The following RIPOR2 variants were observed in gnomAD, a reference collection of about 807,000 sequenced individuals.
The protein encoded by RIPOR2 is RHO family interacting cell polarization regulator 2.
In RIPOR2, 39 loss-of-function variants were observed where a neutral mutation model predicts 114.5. That is an observed-to-expected ratio of 0.34 (90% confidence interval 0.26 to 0.44). The LOEUF is 0.44. Ranked by LOEUF, RIPOR2 falls within the 20% of genes least tolerant of loss-of-function variation. The pLI, the probability that RIPOR2 is intolerant of heterozygous loss-of-function variation, is 1.00. For synonymous variants in RIPOR2, 445 were observed against 484.4 expected, an observed-to-expected ratio of 0.92 and a Z score of 1.07; for missense variants, 1,007 against 1,255.1, an observed-to-expected ratio of 0.80 and a Z score of 2.99.
At chr6:24,878,694 T>TC (rs1766056731) in intron 1 of RIPOR2, among the ~76,000 whole-genome samples, 1 of 152,038 alleles carries the variant, frequency 6.6e-6, no homozygotes, top group East Asian at 1.9e-4. Flanking sequence ...GGTTGTAAAG[T>TC]CCCCAGGTGA....
chr6:24,931,540 T>C (rs577752076), intron 1 of RIPOR2, among the ~76,000 whole-genome samples: 2 of 152,320 alleles, frequency 1.3e-5, no homozygotes, highest in African/African-American at 4.8e-5. Context: ...TTTGTGGAGG[T>C]TGAAACAACT....
chr6:24,807,979 C>A lies in RIPOR2; in HGVS notation c.3044-1506G>T, dbSNP rs914314588. Among the ~76,000 whole-genome samples, 5 of 152,132 alleles carry A rather than the reference C, an allele frequency of 3.3e-5. No individual in the cohort carries two copies. The East Asian group carries it at 9.6e-4, about 29-fold the overall frequency. ...CATAATATTGACTTCAGGGGGGTCT[C>A]AAACTTTATATTAGAATCACCTGGG... is the stretch of plus-strand genomic sequence containing the variant. On this transcript the variant is annotated intron_variant, in intron 21 of 21. Transcript: ENST00000643898.
At chr6:24,842,649 A>G (rs1761833757) in intron 13 of RIPOR2, among the ~76,000 whole-genome samples, 1 of 152,206 alleles carries the variant, frequency 6.6e-6, no homozygotes, top group African/African-American at 2.4e-5. Flanking sequence ...TCTTTGTTTA[A>G]ATCCTAATCA....
At chr6:24,961,670 C>T (rs1372404512) in intron 1 of RIPOR2, among the ~76,000 whole-genome samples, 1 of 151,154 alleles carries the variant, frequency 6.6e-6, no homozygotes. Flanking sequence ...CTCTGTCACC[C>T]AGGCTGGAGT....
At chr6:24,905,845 T>C (rs566084215) in intron 1 of RIPOR2, among the ~76,000 whole-genome samples, 2 of 152,286 alleles carry the variant, frequency 1.3e-5, no homozygotes, top group East Asian at 3.9e-4. Flanking sequence ...TTGCCTTCCT[T>C]CCAAGAGCTC....
At chr6:25,011,218 TAAATTAG>T (rs1409168045) in intron 1 of RIPOR2, among the ~76,000 whole-genome samples, 1 of 152,244 alleles carries the variant, frequency 6.6e-6, no homozygotes, top group Admixed American at 6.5e-5. Flanking sequence ...ATAAATTTTA[TAAATTAG>T]GAATTGGGTT....
At chr6:24,878,625 C>T (rs1766042485) in intron 1 of RIPOR2, among the ~76,000 whole-genome samples, 1 of 152,052 alleles carries the variant, frequency 6.6e-6, no homozygotes, top group African/African-American at 2.4e-5. Flanking sequence ...CTACTGATGC[C>T]TGGCTCCTAT....
chr6:24,865,286 G>A lies in RIPOR2; in HGVS notation c.651+15C>T. The A allele has an allele frequency of 1.2e-6, 2 of 1,600,314 alleles. No individual in the cohort carries two copies. Among genetic ancestry groups the A allele is most frequent in the Non-Finnish European group, 1.7e-6 (2 of 1,171,638 alleles). ...AGATGGGATTCGGCAACTTAAGCAGGTTAGGGAGTTATACCTCTGTGTACT... is the reference window on the plus strand; with the variant it reads ...AGATGGGATTCGGCAACTTAAGCAGATTAGGGAGTTATACCTCTGTGTACT... On this transcript the variant is annotated intron_variant, in intron 7 of 21. Coordinates refer to ENST00000643898, the MANE Select transcript of RIPOR2 (RefSeq NM_001286445.3).
chr6:24,988,651 T>C (rs530287626), intron 1 of RIPOR2, among the ~76,000 whole-genome samples: 31 of 145,372 alleles, frequency 2.1e-4, no homozygotes, highest in Admixed American at 1.8e-3. Flanking sequence ...TTGGCTTGAC[T>C]TTTTTCCCAA....
intron 1 of RIPOR2, among the ~76,000 whole-genome samples, chr6:24,981,235 A>G (rs1774279637): frequency 6.6e-6 from 1 of 152,186 alleles, no homozygotes; most frequent in Admixed American, 6.5e-5. Context: ...ACCCAAACAA[A>G]TATTTTCCCA....
intron 13 of RIPOR2, 146 bp from the exon 14 acceptor site, chr6:24,839,418 C>A: frequency 1.4e-6 from 2 of 1,429,340 alleles, no homozygotes; most frequent in East Asian, 5.0e-5. Context: ...ATTTAAAAAT[C>A]TTTATATCCA....
At chr6:24,856,801 G>T (rs1214241323) in intron 8 of RIPOR2, among the ~76,000 whole-genome samples, 1 of 152,076 alleles carries the variant, frequency 6.6e-6, no homozygotes, top group African/African-American at 2.4e-5. Context: ...TTAATCTATT[G>T]CCTGTTTATG....
At chr6:24,952,524 G>T (rs1334576729) in intron 1 of RIPOR2, among the ~76,000 whole-genome samples, 1 of 152,190 alleles carries the variant, frequency 6.6e-6, no homozygotes, top group East Asian at 1.9e-4. Context: ...GTTGGGAAGA[G>T]ATGCACAGTA....
At chr6:24,930,481 G>A (rs150037666) in intron 1 of RIPOR2, among the ~76,000 whole-genome samples, 1 of 152,334 alleles carries the variant, frequency 6.6e-6, no homozygotes, top group East Asian at 1.9e-4. Flanking sequence ...CATAAATCAG[G>A]GGGGTGGACT....
intron 1 of RIPOR2, among the ~76,000 whole-genome samples, chr6:24,997,234 G>A (rs9295642): frequency 0.27 from 40,793 of 151,958 alleles, 5,936 homozygotes; most frequent in Middle Eastern, 0.35. Flanking sequence ...CTAATATACA[G>A]TTAAGCCTGA....
rs1356174903 is a variant in RIPOR2 at position 25,023,326 on chromosome 6, G to A, written c.76+18525C>T. On this transcript the variant is annotated intron_variant, in intron 1 of 13. Coordinates refer to the RIPOR2 transcript ENST00000510784. Reference sequence around the variant, plus strand: ...TGAGGGAATTGATGTTGATGAACCCGGTGGCATCAATTGGCTCATAATCAC... The same window carrying A: ...TGAGGGAATTGATGTTGATGAACCCAGTGGCATCAATTGGCTCATAATCAC... 6.3e-6 allele frequency: 5 copies of A among 789,616 alleles called. No individual in the cohort carries two copies. The East Asian group carries it at 7.6e-5, about 12-fold the overall frequency. 48.9% of individuals were successfully genotyped at this position (789,616 alleles called of 1,614,324 possible). A position where few individuals can be genotyped will look rare whatever the true frequency, so the allele number is the denominator to read the frequency against.
rs140266691 is a variant in RIPOR2, at chr6:24,873,011, A to T, written c.345-52T>A. On this transcript the variant is annotated intron_variant, in intron 3 of 21. Transcript: ENST00000643898. Reference sequence around the variant, plus strand: ...GTAATCTCTGCGCCTGTTAAGTGGAATCTGGTGCTGTTGCTGACTTTTCCT... The same window carrying T: ...GTAATCTCTGCGCCTGTTAAGTGGATTCTGGTGCTGTTGCTGACTTTTCCT... 3.2e-4 allele frequency: 404 copies of T among 1,256,336 alleles called. 3 individuals carry two copies. In the African/African-American group the frequency reaches 5.0e-3, roughly 15 times the overall value. The allele number at this position is 1,256,336 out of a possible 1,614,324, so 77.8% of individuals were successfully genotyped here. A position where few individuals can be genotyped will look rare whatever the true frequency, so the allele number is the denominator to read the frequency against.
intron 17 of RIPOR2, 37 bp downstream of exon 17, chr6:24,830,472 G>A: frequency 6.5e-7 from 1 of 1,533,894 alleles, no homozygotes; most frequent in Non-Finnish European, 8.8e-7. Flanking sequence ...CTCTCACACT[G>A]AAGGACAGAA....
chr6:24,918,137 G>A (rs1328129064), intron 1 of RIPOR2, among the ~76,000 whole-genome samples: 1 of 152,222 alleles, frequency 6.6e-6, no homozygotes, highest in African/African-American at 2.4e-5. Flanking sequence ...TGAAAGTGAG[G>A]TGGGAATATG....
Sources: allele counts gnomAD v4.1 joint callset (sites outside exome capture counted in the v4.1 genomes callset), GRCh38; gene constraint gnomAD v4.1.1; transcripts MANE v1.5; gene names NCBI Gene and HGNC (gene_info 2026-07-23, HGNC 2026-07-21).